MYO1E: variants seen among roughly 807,000 people sequenced by gnomAD.
MYO1E encodes unconventional myosin-Ie.
Under a neutral mutation model 151.1 loss-of-function variants are expected in MYO1E, and 68 were observed. The ratio of observed to expected loss-of-function variants is 0.45; its 90% CI spans 0.37 to 0.55. MYO1E has a LOEUF of 0.55. MYO1E is among the 20% of genes least tolerant of loss of function. The probability of loss-of-function intolerance (pLI) is 0.00; values close to 1 mark genes in which losing one functional copy is unlikely to be tolerated. For synonymous variants in MYO1E, 601 were observed against 501.7 expected, an observed-to-expected ratio of 1.20 and a Z score of -2.64; for missense variants, 1,363 against 1,389.3, an observed-to-expected ratio of 0.98 and a Z score of 0.30.
chr15:59,176,304 C>T (rs1310049340), intron 19 of MYO1E, among the ~76,000 whole-genome samples: 1 of 152,162 alleles, frequency 6.6e-6, no homozygotes, highest in African/African-American at 2.4e-5. Context: ...TCGTGATCTG[C>T]CGGCCTCAGC....
intron 21 of MYO1E, among the ~76,000 whole-genome samples, chr15:59,173,339 G>C (rs976620585): frequency 6.6e-6 from 1 of 152,096 alleles, no homozygotes; most frequent in Non-Finnish European, 1.5e-5. Context: ...TGAGAAACTG[G>C]TTAAAAATAA....
At chr15:59,204,521 C>T (rs2079820926) in intron 15 of MYO1E, among the ~76,000 whole-genome samples, 1 of 152,218 alleles carries the variant, frequency 6.6e-6, no homozygotes, top group South Asian at 2.1e-4. Flanking sequence ...CCTTGCCTCG[C>T]AAGCATGATG....
At chr15:59,223,240 AAAGCACCTTAGGAAGAAGCC>A in intron 8 of MYO1E, 49 bp from the exon 9 acceptor site, 1 of 1,613,410 alleles carries the variant, frequency 6.2e-7, no homozygotes, top group African/African-American at 1.3e-5. Flanking sequence ...ACCAGCTTTA[AAAGCACCTTAGGAAGAAGCC>A]AAGGCACAGC....
chr15:59,144,340 T>C (rs1393443883), intron 26 of MYO1E, among the ~76,000 whole-genome samples: 1 of 152,028 alleles, frequency 6.6e-6, no homozygotes, highest in Non-Finnish European at 1.5e-5. Flanking sequence ...CTAATTTTTG[T>C]ATTTTTAGTA....
At chr15:59,242,436 A>C (rs146192841) in intron 4 of MYO1E, among the ~76,000 whole-genome samples, 19 of 152,350 alleles carry the variant, frequency 1.2e-4, no homozygotes, top group African/African-American at 4.6e-4. Flanking sequence ...AGTAATGATA[A>C]TAATGGATTA....
intron 6 of MYO1E, among the ~76,000 whole-genome samples, chr15:59,231,460 C>T (rs1008352943): frequency 6.6e-6 from 1 of 152,152 alleles, no homozygotes; most frequent in Non-Finnish European, 1.5e-5. Flanking sequence ...ATTTATTTTC[C>T]TTAGTAAGGC....
intron 26 of MYO1E, among the ~76,000 whole-genome samples, chr15:59,139,905 GT>G (rs11317540): frequency 1 from 152,113 of 152,114 alleles, 76,056 homozygotes; most frequent in Non-Finnish European, 1. Context: ...TTATCAATCA[GT>G]TATTACTCCT....
chr15:59,337,001 C>T (rs1273498292), intron 1 of MYO1E, among the ~76,000 whole-genome samples: 1 of 147,208 alleles, frequency 6.8e-6, no homozygotes, highest in Admixed American at 6.7e-5. Flanking sequence ...CATTGATGGA[C>T]ATTTGGGTTG....
intron 18 of MYO1E, 24 bp from the exon 19 acceptor site, chr15:59,178,561 G>C (rs756507155): frequency 1.2e-6 from 2 of 1,613,292 alleles, no homozygotes; most frequent in Admixed American, 1.7e-5. Context: ...GGGGAGAAGA[G>C]AATCACACTT....
At chr15:59,233,383 C>T (rs894294871) in intron 5 of MYO1E, among the ~76,000 whole-genome samples, 56 of 152,110 alleles carry the variant, frequency 3.7e-4, no homozygotes, top group African/African-American at 1.1e-3. Context: ...AGTAGCCCAT[C>T]GGCCGGGCGC....
chr15:59,369,621 T>C (rs527673305), intron 1 of MYO1E, among the ~76,000 whole-genome samples: 1 of 152,300 alleles, frequency 6.6e-6, no homozygotes, highest in African/African-American at 2.4e-5. Context: ...GCAGGGTTTT[T>C]TTTAACTTCT....
At position 59,194,770 on chromosome 15, in the gene MYO1E, G is replaced by C. The variant is rs576509673; in HGVS notation, c.1805+691C>G. Reference sequence around the variant, plus strand: ...CGGGCCACAAAATTCATACCCTCTAGCCACCACCTTAACAGGCTCCTCCTC... The same window carrying C: ...CGGGCCACAAAATTCATACCCTCTACCCACCACCTTAACAGGCTCCTCCTC... On this transcript the variant is annotated intron_variant, in intron 17 of 27. Coordinates refer to ENST00000288235, the MANE Select transcript of MYO1E (RefSeq NM_004998.4). 3.4e-4 allele frequency among the ~76,000 whole-genome samples: 51 copies of C among 152,216 alleles called. No individual in the cohort carries two copies. The South Asian group carries it at 8.5e-3, about 25-fold the overall frequency.
At chr15:59,323,991 AC>A (rs1188598135) in intron 1 of MYO1E, among the ~76,000 whole-genome samples, 2 of 152,078 alleles carry the variant, frequency 1.3e-5, no homozygotes, top group African/African-American at 4.8e-5. Flanking sequence ...AAAAAAAAAA[AC>A]AAAAACGGAA....
In MYO1E at chr15:59,231,771, C is replaced by T. The variant is rs1336259015; in HGVS notation, c.441G>A (p.Leu147=). ...AGGCCTCCAGCAGCGGGTTGGACTG[C>T]AGGATAATGTCCTTCACGTGCTGTC... ...TKVQHVKDII[L]QSNPLLEAFG... The change falls in exon 6 of 28, where the codon CTG becomes CTA. Residue 147 remains leucine (L), a synonymous_variant. Coordinates refer to ENST00000288235, the MANE Select transcript of MYO1E (RefSeq NM_004998.4). 2.5e-6 allele frequency: 4 copies of T among 1,614,196 alleles called. No individual in the cohort carries two copies. Among genetic ancestry groups the T allele is most frequent in the African/African-American group, 1.3e-5 (1 of 75,050 alleles).
intron 4 of MYO1E, among the ~76,000 whole-genome samples, chr15:59,248,441 C>G (rs1359209213): frequency 7.9e-6 from 1 of 126,446 alleles, no homozygotes; most frequent in African/African-American, 2.9e-5. Context: ...GAGCCGAGAT[C>G]ACACCACTGA....
intron 26 of MYO1E, among the ~76,000 whole-genome samples, chr15:59,151,056 C>T (rs532753721): frequency 5.7e-5 from 8 of 141,250 alleles, no homozygotes; most frequent in South Asian, 4.3e-4. Flanking sequence ...CACACGCGCG[C>T]GCGCGCACGT....
At chr15:59,310,319 A>C (rs548264991) in intron 1 of MYO1E, among the ~76,000 whole-genome samples, 1 of 152,356 alleles carries the variant, frequency 6.6e-6, no homozygotes, top group Admixed American at 6.5e-5. Context: ...AGACATGTTG[A>C]AGTCCTAGGC....
chr15:59,372,361 G>A (rs532832585), intron 1 of MYO1E, 137 bp downstream of exon 1: 14 of 1,068,968 alleles, frequency 1.3e-5, no homozygotes, highest in Middle Eastern at 2.9e-4. Flanking sequence ...GGAAATCAGA[G>A]CTCGCGACGT....
intron 1 of MYO1E, among the ~76,000 whole-genome samples, chr15:59,313,857 T>C (rs548739005): frequency 6.6e-6 from 1 of 152,360 alleles, no homozygotes; most frequent in South Asian, 2.1e-4. Flanking sequence ...GGCTTGGGAC[T>C]TTCTGTACCA....
Sources: gnomAD v4.1 joint callset for allele counts (sites outside exome capture counted in the v4.1 genomes callset) on GRCh38, gnomAD v4.1.1 for gene constraint, MANE v1.5 for transcripts, NCBI Gene and HGNC (gene_info 2026-07-23, HGNC 2026-07-21) for gene names.